Variants in AK9 observed in about 807,000 individuals in gnomAD.
The protein encoded by AK9 is adenylate kinase 9, also known as adenylate kinase domain containing 1.
Under a neutral mutation model 239.6 loss-of-function variants are expected in AK9, and 191 were observed. That is an observed-to-expected ratio of 0.80 (90% confidence interval 0.71 to 0.90). AK9 has a LOEUF of 0.90. Ranked by LOEUF, AK9 falls within the 40% of genes least tolerant of loss-of-function variation. AK9 has a pLI of 0.00. For synonymous variants in AK9, 689 were observed against 721.0 expected, an observed-to-expected ratio of 0.96 and a Z score of 0.71; for missense variants, 1,995 against 2,214.7, an observed-to-expected ratio of 0.90 and a Z score of 1.99.
At chr6:109,620,240 T>C (rs569485298) in intron 12 of AK9, among the ~76,000 whole-genome samples, 1 of 152,248 alleles carries the variant, frequency 6.6e-6, no homozygotes, top group East Asian at 1.9e-4. Context: ...TCAAACTGTT[T>C]CCAAAACAAC....
chr6:109,508,303 G>A (rs1196798618), intron 33 of AK9, among the ~76,000 whole-genome samples: 1 of 152,128 alleles, frequency 6.6e-6, no homozygotes, highest in Non-Finnish European at 1.5e-5. Context: ...TCAGGATTAG[G>A]GAAATTCAGG....
At chr6:109,518,841 G>GGTAC (rs1779530655) in intron 29 of AK9, among the ~76,000 whole-genome samples, 1 of 151,570 alleles carries the variant, frequency 6.6e-6, no homozygotes, top group Non-Finnish European at 1.5e-5. Flanking sequence ...TTAGATTCGG[G>GGTAC]GTACGTGTGC....
chr6:109,514,559 A>G, intron 31 of AK9, 122 bp from the exon 32 acceptor site: 1 of 820,464 alleles, frequency 1.2e-6, no homozygotes, highest in Non-Finnish European at 1.9e-6. Flanking sequence ...GAATAAGAAA[A>G]CTAATTATAA....
At chr6:109,528,879 T>G in intron 29 of AK9, 132 bp downstream of exon 29, 9 of 1,461,662 alleles carry the variant, frequency 6.2e-6, no homozygotes, top group South Asian at 2.5e-5. Flanking sequence ...CCTAGCACTT[T>G]GAGAGGCTGA....
chr6:109,520,496 G>C (rs986814059), intron 29 of AK9, among the ~76,000 whole-genome samples: 1 of 151,920 alleles, frequency 6.6e-6, no homozygotes, highest in Admixed American at 6.6e-5. Context: ...TTTTGTACTG[G>C]TATCATGCTG....
chr6:109,645,470 C>T (rs1163748307), intron 8 of AK9, among the ~76,000 whole-genome samples: 1 of 152,186 alleles, frequency 6.6e-6, no homozygotes, highest in East Asian at 1.9e-4. Flanking sequence ...CACAGCAGTC[C>T]AAGATCCAAC....
intron 10 of AK9, among the ~76,000 whole-genome samples, chr6:109,634,422 G>A (rs2128276612): frequency 6.6e-6 from 1 of 152,316 alleles, no homozygotes; most frequent in Middle Eastern, 3.4e-3. Flanking sequence ...CTAGTCTGCG[G>A]TATTCTGCTA....
intron 10 of AK9, among the ~76,000 whole-genome samples, chr6:109,640,131 G>A (rs1797217650): frequency 6.6e-6 from 1 of 152,154 alleles, no homozygotes; most frequent in African/African-American, 2.4e-5. Flanking sequence ...GGCAGTGTGG[G>A]CTCTTTTTTG....
chr6:109,675,063 A>G lies in AK9; in HGVS notation c.117+566T>C, dbSNP rs184653439. ...AGGTCCCCTAACATGCTGTAGGTAA[A>G]GCCTGAGGCATGGTGCCTCTCAGGA... On this transcript the variant is annotated intron_variant, in intron 2 of 40. Transcript: ENST00000424296. Among the ~76,000 whole-genome samples the G allele has an allele frequency of 6.6e-5, 10 of 152,316 alleles. No homozygotes were observed. The East Asian group carries it at 1.9e-3, about 29-fold the overall frequency.
At chr6:109,559,148 A>C (rs1785391040) in intron 24 of AK9, among the ~76,000 whole-genome samples, 2 of 148,110 alleles carry the variant, frequency 1.4e-5, no homozygotes, top group African/African-American at 5.0e-5. Flanking sequence ...CACCATACTC[A>C]GCCATGGTAT....
chr6:109,535,873 C>A (rs904030676), intron 27 of AK9, among the ~76,000 whole-genome samples: 2 of 152,130 alleles, frequency 1.3e-5, no homozygotes, highest in African/African-American at 4.8e-5. Context: ...ATCCTTTCCC[C>A]ATTTCTTGTT....
chr6:109,574,713 A>T (rs1019992645), intron 20 of AK9, among the ~76,000 whole-genome samples: 1 of 151,942 alleles, frequency 6.6e-6, no homozygotes, highest in African/African-American at 2.4e-5. Flanking sequence ...TCTTTTTAAA[A>T]TTTTTTTATT....
chr6:109,637,220 C>T (rs1012707958), intron 10 of AK9, among the ~76,000 whole-genome samples: 4 of 152,126 alleles, frequency 2.6e-5, no homozygotes, highest in African/African-American at 4.8e-5. Context: ...TATTCAAATC[C>T]TTTGCCCATT....
chr6:109,611,169 CTGTCAGGG>C (rs1183675099), intron 16 of AK9, among the ~76,000 whole-genome samples: 4 of 152,294 alleles, frequency 2.6e-5, no homozygotes, highest in Middle Eastern at 3.4e-3. Context: ...AGGGCTCCAA[CTGTCAGGG>C]TGTCTAGCTG....
chr6:109,592,548 G>A (rs1056979236), intron 17 of AK9, among the ~76,000 whole-genome samples: 34 of 148,512 alleles, frequency 2.3e-4, no homozygotes, highest in East Asian at 4.1e-4. Context: ...CCAGGTTCAC[G>A]CCATTCTCCT....
At chr6:109,679,856 C>T (rs968790694) in intron 1 of AK9, among the ~76,000 whole-genome samples, 2 of 152,172 alleles carry the variant, frequency 1.3e-5, no homozygotes, top group African/African-American at 2.4e-5. Flanking sequence ...AGAACTGTAG[C>T]AGAGGGACCT....
intron 29 of AK9, among the ~76,000 whole-genome samples, chr6:109,521,490 C>T (rs1779859461): frequency 2.0e-5 from 3 of 152,048 alleles, no homozygotes; most frequent in Non-Finnish European, 4.4e-5. Context: ...CCTTCCAAGT[C>T]TCCCTTTCTT....
intron 8 of AK9, among the ~76,000 whole-genome samples, chr6:109,650,078 A>T (rs1798695477): frequency 6.6e-6 from 1 of 152,268 alleles, no homozygotes; most frequent in South Asian, 2.1e-4. Context: ...TCATACAAAA[A>T]TTAATTCAAG....
At chr6:109,513,687 C>A (rs1231307617) in intron 32 of AK9, among the ~76,000 whole-genome samples, 1 of 152,194 alleles carries the variant, frequency 6.6e-6, no homozygotes, top group African/African-American at 2.4e-5. Context: ...CTGAATCAGG[C>A]TGCACCTTTG....
Sources: allele counts gnomAD v4.1 joint callset (sites outside exome capture counted in the v4.1 genomes callset), GRCh38; gene constraint gnomAD v4.1.1; transcripts MANE v1.5; gene names NCBI Gene and HGNC (gene_info 2026-07-23, HGNC 2026-07-21).